The following EML4 variants were observed in gnomAD, a reference collection of about 807,000 sequenced individuals.
The protein encoded by EML4 is EMAP like 4.
A neutral mutation model predicts 129.0 loss-of-function variants in EML4; 72 were observed. The ratio of observed to expected loss-of-function variants is 0.56; its 90% CI spans 0.46 to 0.68. EML4 has a LOEUF of 0.68. Ranked by LOEUF, EML4 falls within the 30% of genes least tolerant of loss-of-function variation. The probability of loss-of-function intolerance (pLI) is 0.00; values close to 1 mark genes in which losing one functional copy is unlikely to be tolerated. For missense variants in EML4, 1,363 were observed against 1,190.6 expected, an observed-to-expected ratio of 1.14 and a Z score of -2.13; for synonymous variants, 532 against 405.0, an observed-to-expected ratio of 1.31 and a Z score of -3.77.
At chr2:42,205,070 A>G (rs965407083) in intron 1 of EML4, among the ~76,000 whole-genome samples, 1 of 152,204 alleles carries the variant, frequency 6.6e-6, no homozygotes, top group Non-Finnish European at 1.5e-5. Flanking sequence ...CTTTTTGTAT[A>G]TTAGGTGTTG....
chr2:42,265,364 C>T (rs1323144094), intron 6 of EML4, among the ~76,000 whole-genome samples: 1 of 152,166 alleles, frequency 6.6e-6, no homozygotes, highest in East Asian at 1.9e-4. Flanking sequence ...CTCAGCCTCC[C>T]AAAGTGCAGG....
intron 2 of EML4, 62 bp from the exon 3 acceptor site, chr2:42,256,439 A>G (rs1676154659): frequency 6.7e-7 from 1 of 1,502,750 alleles, no homozygotes; most frequent in African/African-American, 1.4e-5. Flanking sequence ...TTAATTTTAA[A>G]ATTTAGATCT....
intron 13 of EML4, among the ~76,000 whole-genome samples, chr2:42,297,476 A>ATT (rs1668024325): frequency 6.6e-6 from 1 of 152,174 alleles, no homozygotes; most frequent in African/African-American, 2.4e-5. Context: ...CAAACAGGAA[A>ATT]CAGGAAATCC....
chr2:42,185,689 A>T (rs1415429949), intron 1 of EML4, among the ~76,000 whole-genome samples: 1 of 152,206 alleles, frequency 6.6e-6, no homozygotes, highest in Non-Finnish European at 1.5e-5. Context: ...GTCATGCTGA[A>T]GAGTTTGGCT....
At chr2:42,271,188 C>T (rs1216716200) in intron 6 of EML4, among the ~76,000 whole-genome samples, 1 of 152,234 alleles carries the variant, frequency 6.6e-6, no homozygotes, top group African/African-American at 2.4e-5. Context: ...GCCACTGTGC[C>T]TGGCTAGTTC....
At chr2:42,263,035 C>T in intron 4 of EML4, 143 bp from the exon 5 acceptor site, 3 of 642,392 alleles carry the variant, frequency 4.7e-6, no homozygotes, top group Non-Finnish European at 5.2e-6. Flanking sequence ...TTCACTCATC[C>T]AGGCAGTCTT....
At chr2:42,277,174 C>T (rs1408305599) in intron 6 of EML4, among the ~76,000 whole-genome samples, 2 of 152,144 alleles carry the variant, frequency 1.3e-5, no homozygotes, top group African/African-American at 4.8e-5. Context: ...TTATGATGTA[C>T]ACCTCTGATA....
intron 1 of EML4, among the ~76,000 whole-genome samples, chr2:42,197,396 G>C (rs1347614196): frequency 6.6e-6 from 1 of 151,238 alleles, no homozygotes; most frequent in Non-Finnish European, 1.5e-5. Flanking sequence ...ATTGATGTTG[G>C]TAAAGAAAAA....
intron 1 of EML4, among the ~76,000 whole-genome samples, chr2:42,205,826 C>T (rs1672505212): frequency 6.6e-6 from 1 of 152,122 alleles, no homozygotes; most frequent in African/African-American, 2.4e-5. Flanking sequence ...CTTATTTTTA[C>T]TCTCCTGTGT....
chr2:42,251,620 A>C (rs1463631359), intron 2 of EML4, among the ~76,000 whole-genome samples: 3 of 152,248 alleles, frequency 2.0e-5, no homozygotes, highest in Admixed American at 1.3e-4. Flanking sequence ...AAGCAAGAGT[A>C]ATCAGCCAAT....
chr2:42,245,046 G>A (rs1201336174), intron 1 of EML4, among the ~76,000 whole-genome samples: 3 of 141,666 alleles, frequency 2.1e-5, no homozygotes, highest in African/African-American at 8.0e-5. Context: ...GTTAATATGT[G>A]TCAACATGAT....
At chr2:42,272,926 AATAAC>A (rs1666453030) in intron 6 of EML4, among the ~76,000 whole-genome samples, 1 of 152,100 alleles carries the variant, frequency 6.6e-6, no homozygotes, top group African/African-American at 2.4e-5. Flanking sequence ...TATTTTAAGA[AATAAC>A]ATTATAGTTG....
intron 1 of EML4, among the ~76,000 whole-genome samples, chr2:42,242,730 T>G (rs760002675): frequency 3.4e-5 from 5 of 149,214 alleles, no homozygotes; most frequent in Non-Finnish European, 5.9e-5. Context: ...TTCTCTTCTC[T>G]TCTCGTCTCG....
chr2:42,298,294 C>A (rs1572712954), intron 13 of EML4, among the ~76,000 whole-genome samples: 2 of 152,160 alleles, frequency 1.3e-5, no homozygotes, highest in East Asian at 1.9e-4. Flanking sequence ...TGTAAACTTG[C>A]TTTTTATGGA....
chr2:42,199,179 G>A (rs1672069604), intron 1 of EML4, among the ~76,000 whole-genome samples: 1 of 152,166 alleles, frequency 6.6e-6, no homozygotes, highest in Non-Finnish European at 1.5e-5. Context: ...GGGGTTATGG[G>A]CCAAGATAAT....
intron 1 of EML4, among the ~76,000 whole-genome samples, chr2:42,219,924 TAAA>T (rs56773943): frequency 3.1e-4 from 42 of 137,644 alleles, no homozygotes; most frequent in Admixed American, 3.7e-4. Flanking sequence ...AGACTCCATC[TAAA>T]AAAAAAAAAA....
chr2:42,243,814 T>G (rs1266159723), intron 1 of EML4, among the ~76,000 whole-genome samples: 1 of 152,184 alleles, frequency 6.6e-6, no homozygotes, highest in East Asian at 1.9e-4. Flanking sequence ...TTTTAAATGT[T>G]GTGGTGGTGG....
At chr2:42,233,313 T>C (rs7419816) in intron 1 of EML4, among the ~76,000 whole-genome samples, 72,872 of 150,118 alleles carry the variant, frequency 0.49, 17,885 homozygotes, top group East Asian at 0.76. Flanking sequence ...TTCTTTCTTT[T>C]TTTTTTTTTT....
intron 1 of EML4, among the ~76,000 whole-genome samples, chr2:42,215,409 A>G (rs1673125706): frequency 2.0e-5 from 3 of 152,228 alleles, no homozygotes; most frequent in Admixed American, 2.0e-4. Flanking sequence ...GCTGATTTTC[A>G]TAAAATCCAA....
Sources: gnomAD v4.1 joint callset for allele counts (sites outside exome capture counted in the v4.1 genomes callset) on GRCh38, gnomAD v4.1.1 for gene constraint, MANE v1.5 for transcripts, NCBI Gene and HGNC (gene_info 2026-07-23, HGNC 2026-07-21) for gene names.